The following SOX6 variants were observed in gnomAD, a reference collection of about 807,000 sequenced individuals.
The protein encoded by SOX6 is SRY-box transcription factor 6, also known as transcription factor SOX-6.
A neutral mutation model predicts 97.8 loss-of-function variants in SOX6; 11 were observed. The observed-to-expected ratio is 0.11, with a 90% confidence interval of 0.07 to 0.19. The LOEUF is 0.19. Among genes scored for constraint, SOX6 ranks in the 10% least tolerant of loss-of-function variants. The pLI is 1.00. For missense variants in SOX6, 810 were observed against 1,039.5 expected (o/e 0.78, Z 3.04); for synonymous variants, 360 against 371.4 (o/e 0.97, Z 0.35).
At chr11:16,347,310 G>A (rs1856797822) in intron 1 of SOX6, among the ~76,000 whole-genome samples, 1 of 151,964 alleles carries the variant, frequency 6.6e-6, no homozygotes, top group Non-Finnish European at 1.5e-5. Context: ...AAATAATATG[G>A]TCTTCTCACA....
intron 4 of SOX6, among the ~76,000 whole-genome samples, chr11:16,577,615 T>C (rs137998090): frequency 2.0e-5 from 3 of 152,344 alleles, no homozygotes; most frequent in East Asian, 3.9e-4. Flanking sequence ...TTGCTTACTA[T>C]AGCCTCCCTA....
intron 4 of SOX6, among the ~76,000 whole-genome samples, chr11:16,232,914 C>T (rs1852903047): frequency 6.6e-6 from 1 of 151,970 alleles, no homozygotes; most frequent in African/African-American, 2.4e-5. Flanking sequence ...AGCAAATGGC[C>T]TTTATGGGTA....
chr11:16,178,498 A>G (rs1423041029), intron 6 of SOX6, among the ~76,000 whole-genome samples: 4 of 151,980 alleles, frequency 2.6e-5, no homozygotes, highest in African/African-American at 9.7e-5. Flanking sequence ...GAGAGAGGAA[A>G]GAGGGTCTGT....
chr11:16,575,259 A>G (rs925172252), intron 4 of SOX6, among the ~76,000 whole-genome samples: 1 of 152,236 alleles, frequency 6.6e-6, no homozygotes, highest in Non-Finnish European at 1.5e-5. Flanking sequence ...ATTGTTAGCA[A>G]CAATGCTGAA....
chr11:16,278,974 A>T (rs1047333854), intron 3 of SOX6, among the ~76,000 whole-genome samples: 7 of 152,242 alleles, frequency 4.6e-5, no homozygotes, highest in African/African-American at 1.4e-4. Flanking sequence ...AAAAATAGGT[A>T]CAGGAAGACT....
At position 16,672,247 on chromosome 11, in the gene SOX6, G is replaced by C. The variant is rs1255873220; in HGVS notation, n.429+42583C>G. On this transcript the variant is annotated intron_variant and non_coding_transcript_variant, in intron 3 of 5. Transcript: ENST00000524520. ...ATAAAGCAACCACACAAACAAGCTG[G>C]CATGATAACCAGCTAACAACACAAT... is the stretch of plus-strand genomic sequence containing the variant. Among the ~76,000 whole-genome samples, 5 of 152,148 alleles carry C rather than the reference G, an allele frequency of 3.3e-5. No homozygotes were observed. In the East Asian group the frequency reaches 9.6e-4, roughly 29 times the overall value.
intron 2 of SOX6, 75 bp from the exon 3 acceptor site, chr11:16,318,728 C>G: frequency 8.1e-7 from 1 of 1,230,598 alleles, no homozygotes; most frequent in Non-Finnish European, 1.2e-6. Flanking sequence ...AAATCCCAAA[C>G]TGAGGACAGT....
Position 16,299,961 on chromosome 11 carries a change from T to C in SOX6, c.445+18485A>G, listed in dbSNP as rs1261911259. On this transcript the variant is annotated intron_variant, in intron 3 of 15. Coordinates refer to ENST00000683767, the MANE Select transcript of SOX6 (RefSeq NM_001367873.1). ...CATTGATTGAATTCTGTTTCCTTAA[T>C]GTGAAATTTGTTTGGGGTTAATTAG... is the stretch of plus-strand genomic sequence containing the variant. 2.6e-5 allele frequency among the ~76,000 whole-genome samples: 4 copies of C among 152,204 alleles called. No homozygotes were observed. The East Asian group carries it at 7.7e-4, about 29-fold the overall frequency.
At chr11:16,084,879 A>G (rs1411547461) in intron 9 of SOX6, among the ~76,000 whole-genome samples, 2 of 152,212 alleles carry the variant, frequency 1.3e-5, no homozygotes, top group Admixed American at 6.5e-5. Context: ...TAAAATCAGG[A>G]GGGTTTGGTT....
intron 13 of SOX6, among the ~76,000 whole-genome samples, chr11:16,013,659 A>G (rs942213163): frequency 9.5e-5 from 13 of 136,276 alleles, no homozygotes; most frequent in African/African-American, 2.5e-4. Flanking sequence ...CTTTACTCCC[A>G]TAGACACATA....
intron 1 of SOX6, among the ~76,000 whole-genome samples, chr11:16,379,590 A>T (rs1857748423): frequency 6.6e-6 from 1 of 152,212 alleles, no homozygotes; most frequent in Non-Finnish European, 1.5e-5. Flanking sequence ...ATGGTTAAAA[A>T]AATAATAATA....
chr11:16,696,845 T>G (rs1848057408), intron 3 of SOX6, among the ~76,000 whole-genome samples: 1 of 152,186 alleles, frequency 6.6e-6, no homozygotes. Context: ...TTGACTCTCC[T>G]TTCATGAAAG....
At chr11:16,086,743 C>T (rs60693734) in intron 9 of SOX6, among the ~76,000 whole-genome samples, 1,988 of 152,236 alleles carry the variant, frequency 0.013, 42 homozygotes, top group African/African-American at 0.045. Flanking sequence ...AGGAAAGCCA[C>T]GGAATAAGAT....
chr11:16,412,490 C>T (rs947658861), intron 1 of SOX6, among the ~76,000 whole-genome samples: 1 of 151,978 alleles, frequency 6.6e-6, no homozygotes, highest in East Asian at 1.9e-4. Context: ...AATAATTTGT[C>T]GGTTGGGCAC....
chr11:16,654,955 C>T (rs918454688), intron 3 of SOX6, among the ~76,000 whole-genome samples: 38 of 152,178 alleles, frequency 2.5e-4, no homozygotes, highest in African/African-American at 8.2e-4. Flanking sequence ...TAAACCATCT[C>T]CCTACACAGG....
intron 1 of SOX6, among the ~76,000 whole-genome samples, chr11:16,416,305 T>C (rs1296567543): frequency 1.3e-5 from 2 of 152,214 alleles, no homozygotes; most frequent in Non-Finnish European, 2.9e-5. Context: ...CATTATTCTT[T>C]AGCAAGGAAA....
chr11:16,553,521 C>T (rs1320530399), intron 4 of SOX6, among the ~76,000 whole-genome samples: 1 of 151,702 alleles, frequency 6.6e-6, no homozygotes, highest in Non-Finnish European at 1.5e-5. Flanking sequence ...GTGTCTTATG[C>T]TAATGAACAA....
intron 13 of SOX6, among the ~76,000 whole-genome samples, chr11:16,012,381 G>A (rs1048313143): frequency 2.0e-5 from 3 of 151,920 alleles, no homozygotes; most frequent in African/African-American, 4.8e-5. Context: ...CACTTCGGTC[G>A]GTATTAGAAC....
At position 16,605,933 on chromosome 11, in the gene SOX6, G is replaced by A. The variant is rs1374483654; in HGVS notation, n.609+6148C>T. The A allele has an allele frequency of 1.3e-5, 2 of 152,248 alleles. No homozygotes were observed. The highest frequency in any genetic ancestry group is 4.8e-5 in the African/African-American group (2 of 41,446). The allele number at this position is 152,248 out of a possible 1,614,324, so 9.4% of individuals were successfully genotyped here. The stretch of plus-strand genomic sequence containing the variant: ...TTAGTCTCTATTCTTTGGGGGATGC[G>A]GTTTAGGTCGGCTCGCAAGGGAAGC... On this transcript the variant is annotated intron_variant and non_coding_transcript_variant, in intron 4 of 5. Coordinates refer to the SOX6 transcript ENST00000524520. The surrounding 1 kb of genome is among the most constrained non-coding windows in gnomAD (Gnocchi z 5.3).
Sources: gnomAD v4.1 joint callset for allele counts (sites outside exome capture counted in the v4.1 genomes callset) on GRCh38, gnomAD v4.1.1 for gene constraint, Gnocchi (gnomAD v3.1) non-coding constraint, MANE v1.5 for transcripts, NCBI Gene and HGNC (gene_info 2026-07-23, HGNC 2026-07-21) for gene names.